Variants in ARHGAP6 observed in about 807,000 individuals in gnomAD.
ARHGAP6 encodes the protein rho GTPase-activating protein 6.
ARHGAP6 carries 16 observed loss-of-function variants against 55.7 expected under a neutral mutation model. That is an observed-to-expected ratio of 0.29 (90% CI 0.19 to 0.44). The LOEUF (loss-of-function observed/expected upper bound fraction) is 0.44, where lower values mean the gene tolerates loss of function less well. Among genes scored for constraint, ARHGAP6 ranks in the 20% least tolerant of loss-of-function variants. ARHGAP6 has a pLI of 1.00. For missense variants in ARHGAP6, 698 were observed against 808.9 expected, an observed-to-expected ratio of 0.86 and a Z score of 1.66; for synonymous variants, 382 against 360.9, an observed-to-expected ratio of 1.06 and a Z score of -0.66.
chrX:11,508,949 T>C (rs982952292), intron 1 of ARHGAP6, among the ~76,000 whole-genome samples: 4 of 110,716 alleles, frequency 3.6e-5, no homozygotes, highest in Non-Finnish European at 7.5e-5. Context: ...CATTTTATCA[T>C]TTAGGTTTCT....
intron 1 of ARHGAP6, among the ~76,000 whole-genome samples, chrX:11,528,568 CCA>C (rs1357542408): frequency 8.9e-6 from 1 of 112,165 alleles, no homozygotes; most frequent in Admixed American, 9.5e-5. Context: ...TCCTTTTAAT[CCA>C]CAGACTGTTA....
intron 1 of ARHGAP6, among the ~76,000 whole-genome samples, chrX:11,557,449 T>TG (rs1462746133): frequency 3.6e-4 from 39 of 106,870 alleles, no homozygotes; most frequent in Middle Eastern, 4.8e-3. Context: ...CATTTGTTTC[T>TG]TTTTTTTTGT....
intron 1 of ARHGAP6, among the ~76,000 whole-genome samples, chrX:11,467,379 AC>A (rs1184559613): frequency 5.5e-5 from 6 of 109,504 alleles, no homozygotes; most frequent in African/African-American, 2.0e-4. Flanking sequence ...AAACAAACAA[AC>A]AAAAAAAAAC....
At chrX:11,527,987 T>A (rs1271505372) in intron 1 of ARHGAP6, among the ~76,000 whole-genome samples, 1 of 112,603 alleles carries the variant, frequency 8.9e-6, no homozygotes, top group Non-Finnish European at 1.9e-5. Context: ...ATCTGGCAAT[T>A]AGTTACATTA....
At chrX:11,355,184 G>A (rs1005076354) in intron 1 of ARHGAP6, among the ~76,000 whole-genome samples, 1 of 111,435 alleles carries the variant, frequency 9.0e-6, no homozygotes, top group African/African-American at 3.3e-5. Flanking sequence ...TGAGCTGCAT[G>A]AAAAAAACTT....
chrX:11,473,205 C>T (rs2050365701), intron 1 of ARHGAP6, among the ~76,000 whole-genome samples: 1 of 111,310 alleles, frequency 9.0e-6, no homozygotes, highest in Non-Finnish European at 1.9e-5. Context: ...TCAGAGTCAT[C>T]TTATGAACAA....
chrX:11,358,319 G>T (rs897764846), intron 1 of ARHGAP6, among the ~76,000 whole-genome samples: 1 of 111,574 alleles, frequency 9.0e-6, no homozygotes, highest in African/African-American at 3.3e-5. Context: ...AAATAACACT[G>T]CTCTGAACAT....
chrX:11,491,600 A>C (rs1212017474), intron 1 of ARHGAP6, among the ~76,000 whole-genome samples: 1 of 110,292 alleles, frequency 9.1e-6, no homozygotes, highest in Non-Finnish European at 1.9e-5. Flanking sequence ...CATTTTCTTA[A>C]TCCAGTCTAT....
chrX:11,501,687 T>G (rs1344868413), intron 1 of ARHGAP6, among the ~76,000 whole-genome samples: 1 of 111,833 alleles, frequency 8.9e-6, no homozygotes, highest in Non-Finnish European at 1.9e-5. Flanking sequence ...ATGTCATGTA[T>G]TATATACCGT....
chrX:11,170,619 C>T (rs964183731), intron 8 of ARHGAP6, among the ~76,000 whole-genome samples: 1 of 111,715 alleles, frequency 9.0e-6, no homozygotes, highest in Non-Finnish European at 1.9e-5. Context: ...CATACCACAA[C>T]AGTCTAGGCC....
intron 1 of ARHGAP6, among the ~76,000 whole-genome samples, chrX:11,305,492 TTGTCTCCTG>T (rs1213026969): frequency 8.9e-6 from 1 of 112,542 alleles, no homozygotes; most frequent in Non-Finnish European, 1.9e-5. Context: ...TACAAGAAGC[TTGTCTCCTG>T]TGAGTTAATT....
At chrX:11,613,483 C>T (rs5979434) in intron 1 of ARHGAP6, among the ~76,000 whole-genome samples, 15,661 of 111,536 alleles carry the variant, frequency 0.14, 1,000 homozygotes, top group Middle Eastern at 0.22. Context: ...CAGACATTCC[C>T]ACACACTTTC....
chrX:11,434,318 C>T (rs776830453), intron 1 of ARHGAP6, among the ~76,000 whole-genome samples: 15 of 111,996 alleles, frequency 1.3e-4, no homozygotes, highest in Non-Finnish European at 2.4e-4. Context: ...AGGTCTTGCA[C>T]CACCCAAGAA....
chrX:11,346,404 G>C (rs1378958181), intron 1 of ARHGAP6, among the ~76,000 whole-genome samples: 1 of 111,754 alleles, frequency 8.9e-6, no homozygotes, highest in East Asian at 2.8e-4. Flanking sequence ...TTACAGAAAA[G>C]TTCCCTAACT....
chrX:11,467,787 C>A (rs1167580927), intron 1 of ARHGAP6, among the ~76,000 whole-genome samples: 1 of 110,592 alleles, frequency 9.0e-6, no homozygotes, highest in Admixed American at 9.7e-5. Context: ...TGAGACCAGC[C>A]TGGCCAACAT....
chrX:11,183,214 C>A (rs2046343347), intron 5 of ARHGAP6, among the ~76,000 whole-genome samples: 1 of 111,238 alleles, frequency 9.0e-6, no homozygotes, highest in Non-Finnish European at 1.9e-5. Context: ...CCTGTTCCCC[C>A]AAAATCTATG....
In ARHGAP6 at chrX:11,558,094, A is replaced by G. The variant is rs770387220; in HGVS notation, c.588+106147T>C. Reference sequence around the variant, plus strand: ...ACGCTCCATGTTATTTGCTGCCAAAATTAAAATCCAAGCAATCTGCTTGGG... The same window carrying G: ...ACGCTCCATGTTATTTGCTGCCAAAGTTAAAATCCAAGCAATCTGCTTGGG... On this transcript the variant is annotated intron_variant, in intron 1 of 12. Transcript: ENST00000337414. 4.5e-5 allele frequency among the ~76,000 whole-genome samples: 5 copies of G among 112,259 alleles called. No individual in the cohort carries two copies. The South Asian group carries it at 1.9e-3, about 42-fold the overall frequency.
At chrX:11,237,228 G>A (rs2047215155) in intron 2 of ARHGAP6, among the ~76,000 whole-genome samples, 1 of 112,193 alleles carries the variant, frequency 8.9e-6, no homozygotes, top group East Asian at 2.8e-4. Context: ...TGACATGAGG[G>A]TGGAAAAGAA....
At chrX:11,399,879 C>T (rs1451460328) in intron 1 of ARHGAP6, among the ~76,000 whole-genome samples, 4 of 112,017 alleles carry the variant, frequency 3.6e-5, no homozygotes, top group African/African-American at 9.7e-5. Context: ...ACCCATACAA[C>T]GAAAGATTAT....
Sources: gnomAD v4.1 joint callset for allele counts (sites outside exome capture counted in the v4.1 genomes callset) on GRCh38, gnomAD v4.1.1 for gene constraint, MANE v1.5 for transcripts, NCBI Gene and HGNC (gene_info 2026-07-23, HGNC 2026-07-21) for gene names.